Variants in CFAP299 observed in about 807,000 individuals in gnomAD.
CFAP299 encodes cilia- and flagella-associated protein 299.
In CFAP299, 21 loss-of-function variants were observed where a neutral mutation model predicts 27.0. The observed-to-expected ratio is 0.78, with a 90% CI of 0.55 to 1.12. The LOEUF is 1.12. Ranked by LOEUF, CFAP299 falls within the 50% of genes most tolerant of loss-of-function variation. The probability of loss-of-function intolerance (pLI) is 0.00; values close to 1 mark genes in which losing one functional copy is unlikely to be tolerated. For synonymous variants in CFAP299, 104 were observed against 98.1 expected (o/e 1.06, Z -0.36); for missense variants, 310 against 276.6 (o/e 1.12, Z -0.86).
chr4:80,743,570 G>A (rs1724408841), intron 3 of CFAP299, among the ~76,000 whole-genome samples: 1 of 152,070 alleles, frequency 6.6e-6, no homozygotes, highest in South Asian at 2.1e-4. Flanking sequence ...TGCTTTCTCA[G>A]TAAGGCTCTT....
intron 2 of CFAP299, among the ~76,000 whole-genome samples, chr4:80,383,970 A>G (rs1724843279): frequency 6.6e-6 from 1 of 152,174 alleles, no homozygotes. Context: ...GACATTCAAT[A>G]TAACATGGTA....
intron 2 of CFAP299, among the ~76,000 whole-genome samples, chr4:80,461,230 T>C (rs1425344860): frequency 6.6e-6 from 1 of 152,066 alleles, no homozygotes; most frequent in Non-Finnish European, 1.5e-5. Flanking sequence ...GATACCAGAC[T>C]CTTAGTTAAT....
chr4:80,718,267 G>A (rs1173894760), intron 3 of CFAP299, among the ~76,000 whole-genome samples: 1 of 152,052 alleles, frequency 6.6e-6, no homozygotes, highest in Non-Finnish European at 1.5e-5. Context: ...GAAAAGCATG[G>A]GAGAGTATCG....
At chr4:80,436,262 G>A (rs1312019926) in intron 2 of CFAP299, among the ~76,000 whole-genome samples, 1 of 151,396 alleles carries the variant, frequency 6.6e-6, no homozygotes, top group Non-Finnish European at 1.5e-5. Flanking sequence ...TAAATGGGCT[G>A]TGAGGAAACT....
chr4:80,345,288 A>G (rs1426857240), intron 1 of CFAP299, among the ~76,000 whole-genome samples: 1 of 152,036 alleles, frequency 6.6e-6, no homozygotes, highest in African/African-American at 2.4e-5. Context: ...TATTATTATT[A>G]TTATACTTTA....
chr4:80,870,211 A>C, intron 4 of CFAP299, 76 bp downstream of exon 4: 1 of 1,478,630 alleles, frequency 6.8e-7, no homozygotes, highest in Non-Finnish European at 9.0e-7. Flanking sequence ...ATTGTGCCTA[A>C]AATGCTAATG....
chr4:80,443,081 A>G (rs1728442168), intron 2 of CFAP299, among the ~76,000 whole-genome samples: 1 of 152,216 alleles, frequency 6.6e-6, no homozygotes, highest in Non-Finnish European at 1.5e-5. Context: ...GATCAGACGG[A>G]TTCACAGCCG....
intron 3 of CFAP299, among the ~76,000 whole-genome samples, chr4:80,692,859 A>C (rs1199699834): frequency 1.3e-5 from 2 of 152,120 alleles, no homozygotes; most frequent in Non-Finnish European, 2.9e-5. Flanking sequence ...AGAAAAAAAC[A>C]AACAACCCCA....
the CFAP299 span, among the ~76,000 whole-genome samples, chr4:80,326,265 G>A: frequency 0.63 from 95,582 of 152,000 alleles, 30,990 homozygotes; most frequent in Non-Finnish European, 0.71. Flanking sequence ...GCGTGTGTGT[G>A]TGTATGTCTG....
intron 2 of CFAP299, among the ~76,000 whole-genome samples, chr4:80,498,740 A>G (rs773556795): frequency 1.1e-4 from 17 of 152,292 alleles, no homozygotes; most frequent in Non-Finnish European, 1.8e-4. Flanking sequence ...ATCGGATTAC[A>G]GGGGATATAC....
At chr4:80,673,958 T>G (rs1719216245) in intron 3 of CFAP299, among the ~76,000 whole-genome samples, 1 of 151,968 alleles carries the variant, frequency 6.6e-6, no homozygotes, top group Non-Finnish European at 1.5e-5. Context: ...CACACTGATG[T>G]GTCTTGACTT....
chr4:80,629,617 C>T (rs775621297), intron 3 of CFAP299, among the ~76,000 whole-genome samples: 9 of 152,182 alleles, frequency 5.9e-5, no homozygotes, highest in African/African-American at 1.9e-4. Context: ...CAGTGGCTCA[C>T]ACCTGTAACC....
chr4:80,587,645 C>T (rs1042736357), intron 3 of CFAP299, among the ~76,000 whole-genome samples: 10 of 152,124 alleles, frequency 6.6e-5, no homozygotes, highest in East Asian at 1.9e-4. Flanking sequence ...CAGGTTGGAG[C>T]GCAGTGGTAC....
intron 3 of CFAP299, among the ~76,000 whole-genome samples, chr4:80,731,937 G>A (rs1020653285): frequency 9.2e-5 from 14 of 151,892 alleles, no homozygotes; most frequent in African/African-American, 2.7e-4. Context: ...TCATGTTTTT[G>A]TTATAAGATA....
chr4:80,531,707 G>GGT (rs1299649818), intron 2 of CFAP299, among the ~76,000 whole-genome samples: 1 of 151,222 alleles, frequency 6.6e-6, no homozygotes, highest in African/African-American at 2.4e-5. Flanking sequence ...CTTGCATCTA[G>GGT]GTGTGGCTGT....
chr4:80,787,030 G>A (rs1307736147), intron 3 of CFAP299, among the ~76,000 whole-genome samples: 2 of 151,594 alleles, frequency 1.3e-5, no homozygotes, highest in East Asian at 1.9e-4. Flanking sequence ...CAATAAAATG[G>A]GTTGAATGAT....
chr4:80,813,943 G>T (rs546304572), intron 3 of CFAP299, among the ~76,000 whole-genome samples: 113 of 151,820 alleles, frequency 7.4e-4, no homozygotes, highest in East Asian at 1.9e-4. Context: ...TATTATTATT[G>T]GTAAATAAAG....
intron 3 of CFAP299, among the ~76,000 whole-genome samples, chr4:80,810,109 G>C (rs72879991): frequency 2.6e-5 from 4 of 151,930 alleles, no homozygotes; most frequent in Admixed American, 2.0e-4. Context: ...TTGTTTATTG[G>C]AAGAAATACA....
intron 3 of CFAP299, among the ~76,000 whole-genome samples, chr4:80,800,536 A>AATATATT (rs1728469720): frequency 2.3e-5 from 1 of 43,068 alleles, no homozygotes; most frequent in African/African-American, 1.3e-4. Flanking sequence ...TATATTATAT[A>AATATATT]ATATATAATA....
Sources: gnomAD v4.1 joint callset for allele counts (sites outside exome capture counted in the v4.1 genomes callset) on GRCh38, gnomAD v4.1.1 for gene constraint, MANE v1.5 for transcripts, NCBI Gene and HGNC (gene_info 2026-07-23, HGNC 2026-07-21) for gene names.